Variants in CAPN13 observed in about 807,000 individuals in gnomAD.
CAPN13 encodes calpain-13.
Under a neutral mutation model 98.4 loss-of-function variants are expected in CAPN13, and 90 were observed. The observed-to-expected ratio is 0.92, with a 90% confidence interval of 0.77 to 1.09. The LOEUF is 1.09. Ranked by LOEUF, CAPN13 falls within the 50% of genes least tolerant of loss-of-function variation. CAPN13 has a pLI of 0.00. For missense variants in CAPN13, 887 were observed against 841.3 expected, an observed-to-expected ratio of 1.05 and a Z score of -0.67; for synonymous variants, 330 against 305.5, an observed-to-expected ratio of 1.08 and a Z score of -0.84.
At chr2:30,786,427 T>C (rs1382177943) in intron 2 of CAPN13, among the ~76,000 whole-genome samples, 2 of 152,146 alleles carry the variant, frequency 1.3e-5, no homozygotes, top group Admixed American at 6.5e-5. Context: ...TCAGCTGAGA[T>C]ATTTTCCGTG....
intron 17 of CAPN13, chr2:30,737,342 G>A (rs1232738686): frequency 2.0e-5 from 3 of 152,612 alleles, no homozygotes; most frequent in Non-Finnish European, 4.4e-5. Flanking sequence ...AACGGTGCAG[G>A]AGCGGGGCAA....
chr2:30,776,763 T>C (rs1408726314), intron 3 of CAPN13, among the ~76,000 whole-genome samples: 1 of 152,088 alleles, frequency 6.6e-6, no homozygotes, highest in Non-Finnish European at 1.5e-5. Flanking sequence ...ACCCCTAACA[T>C]GATCAATTTG....
intron 22 of CAPN13, among the ~76,000 whole-genome samples, chr2:30,728,748 A>C (rs75859240): frequency 0.023 from 3,440 of 152,288 alleles, 147 homozygotes; most frequent in African/African-American, 0.077. Flanking sequence ...TTGAATTTTA[A>C]AAAGTGTAGT....
At chr2:30,748,540 AGT>A (rs147438671) in intron 11 of CAPN13, among the ~76,000 whole-genome samples, 1 of 151,096 alleles carries the variant, frequency 6.6e-6, no homozygotes, top group Non-Finnish European at 1.5e-5. Context: ...TGAGTGACTG[AGT>A]GTGTGTGTGT....
chr2:30,791,477 A>T (rs1326904917), intron 1 of CAPN13, among the ~76,000 whole-genome samples: 2 of 152,242 alleles, frequency 1.3e-5, no homozygotes, highest in African/African-American at 4.8e-5. Context: ...AACACTCCAC[A>T]AATAACAAAT....
intron 22 of CAPN13, among the ~76,000 whole-genome samples, chr2:30,727,308 G>C (rs1558602937): frequency 6.6e-6 from 1 of 152,074 alleles, no homozygotes; most frequent in Non-Finnish European, 1.5e-5. Flanking sequence ...GAAAACAATA[G>C]ATAAATTAGA....
intron 1 of CAPN13, among the ~76,000 whole-genome samples, chr2:30,793,182 A>G (rs1322985275): frequency 6.6e-6 from 1 of 151,882 alleles, no homozygotes; most frequent in African/African-American, 2.4e-5. Context: ...AGGCATAAAG[A>G]TCAGAAACAA....
At position 30,764,183 on chromosome 2, in the gene CAPN13, C is replaced by T. The variant is rs866720246; in HGVS notation, c.648G>A (p.Val216=). 9 of 1,603,502 alleles carry T rather than the reference C, an allele frequency of 5.6e-6. No homozygotes were observed. In the Admixed American group the frequency reaches 8.6e-5, roughly 15 times the overall value. ...HSSPVDLVKA[V]KTATKAGSLI... Reference sequence around the variant, plus strand: ...GGGAGCCTGCCTTGGTCGCTGTCTTCACTGCCTTCACCAGGTCCACAGGGG... The same window carrying T: ...GGGAGCCTGCCTTGGTCGCTGTCTTTACTGCCTTCACCAGGTCCACAGGGG... Residue 216 remains valine, a synonymous_variant, in exon 6 of 23, where the codon GTG becomes GTA. Transcript: ENST00000295055.
chr2:30,734,072 G>C (rs546369430), intron 19 of CAPN13, among the ~76,000 whole-genome samples: 4 of 152,354 alleles, frequency 2.6e-5, no homozygotes, highest in Admixed American at 2.6e-4. Context: ...AAGAGAGAGA[G>C]CGATCATCAG....
At chr2:30,760,931 G>A (rs573275277) in intron 7 of CAPN13, among the ~76,000 whole-genome samples, 3 of 152,338 alleles carry the variant, frequency 2.0e-5, no homozygotes, top group East Asian at 1.9e-4. Flanking sequence ...GAGGTGGCCC[G>A]AGTTATCTAC....
At chr2:30,755,130 C>G (rs553553641) in intron 8 of CAPN13, among the ~76,000 whole-genome samples, 5 of 152,030 alleles carry the variant, frequency 3.3e-5, no homozygotes, top group South Asian at 2.1e-4. Flanking sequence ...ACACCACCCC[C>G]CCAAGCCCAA....
At chr2:30,753,412 G>A (rs569045126) in intron 9 of CAPN13, among the ~76,000 whole-genome samples, 45 of 152,318 alleles carry the variant, frequency 3.0e-4, no homozygotes, top group African/African-American at 9.6e-4. Context: ...GGGTCTGCCG[G>A]TCACCTGGCA....
intron 7 of CAPN13, among the ~76,000 whole-genome samples, chr2:30,758,789 T>TCCTTCCTCCCTCCCTCCCTC (rs1672608058): frequency 7.3e-5 from 8 of 109,252 alleles, no homozygotes; most frequent in Middle Eastern, 4.9e-3. Context: ...TCCCTCCCTT[T>TCCTTCCTCCCTCCCTCCCTC]CCTTTCCTTC....
intron 10 of CAPN13, among the ~76,000 whole-genome samples, chr2:30,751,861 G>C (rs1200160071): frequency 6.6e-6 from 1 of 152,236 alleles, no homozygotes; most frequent in Non-Finnish European, 1.5e-5. Flanking sequence ...GACGTGCTGC[G>C]AGGACTGGAG....
chr2:30,787,383 T>G, intron 1 of CAPN13, 26 bp from the exon 2 acceptor site: 8 of 1,517,046 alleles, frequency 5.3e-6, no homozygotes, highest in Non-Finnish European at 7.1e-6. Context: ...AGGGATACCT[T>G]TGGGGTAAGC....
chr2:30,798,592 T>C (rs192958373), intron 1 of CAPN13, among the ~76,000 whole-genome samples: 1 of 152,320 alleles, frequency 6.6e-6, no homozygotes, highest in Admixed American at 6.5e-5. Flanking sequence ...TTCAATCAGC[T>C]AAGAAACAGG....
At chr2:30,725,889 T>C (rs756209553) in intron 22 of CAPN13, among the ~76,000 whole-genome samples, 1 of 152,198 alleles carries the variant, frequency 6.6e-6, no homozygotes, top group Non-Finnish European at 1.5e-5. Context: ...TGGGTCATGA[T>C]GTATTAGAGA....
intron 1 of CAPN13, among the ~76,000 whole-genome samples, chr2:30,794,425 G>A (rs1318231669): frequency 6.6e-6 from 1 of 151,924 alleles, no homozygotes; most frequent in African/African-American, 2.4e-5. Flanking sequence ...ATAGAAAACT[G>A]GAACTTTCAT....
At chr2:30,788,394 A>G (rs1674434112) in intron 1 of CAPN13, among the ~76,000 whole-genome samples, 2 of 152,232 alleles carry the variant, frequency 1.3e-5, no homozygotes, top group South Asian at 4.1e-4. Flanking sequence ...TTGTTCAGGC[A>G]GCCACAGGAA....
Sources: gnomAD v4.1 joint callset for allele counts (sites outside exome capture counted in the v4.1 genomes callset) on GRCh38, gnomAD v4.1.1 for gene constraint, MANE v1.5 for transcripts, NCBI Gene and HGNC (gene_info 2026-07-23, HGNC 2026-07-21) for gene names.